ZCCHC7: variants seen among roughly 807,000 people sequenced by gnomAD.
ZCCHC7 encodes the protein zinc finger CCHC domain-containing protein 7.
A neutral mutation model predicts 52.0 loss-of-function variants in ZCCHC7; 35 were observed. The observed-to-expected ratio is 0.67, with a 90% CI of 0.51 to 0.89. The LOEUF (loss-of-function observed/expected upper bound fraction) is 0.89. ZCCHC7 is among the 40% of genes least tolerant of loss of function. ZCCHC7 has a pLI of 0.00. For synonymous variants in ZCCHC7, 217 were observed against 221.5 expected, an observed-to-expected ratio of 0.98 and a Z score of 0.18; for missense variants, 574 against 649.1, an observed-to-expected ratio of 0.88 and a Z score of 1.26.
At chr9:37,166,392 A>T (rs1337188000) in intron 2 of ZCCHC7, among the ~76,000 whole-genome samples, 1 of 152,028 alleles carries the variant, frequency 6.6e-6, no homozygotes, top group African/African-American at 2.4e-5. Context: ...GCAAGACTCC[A>T]TCTCAAAAAC....
chr9:37,225,112 C>T (rs1825027128), intron 2 of ZCCHC7, among the ~76,000 whole-genome samples: 1 of 151,954 alleles, frequency 6.6e-6, no homozygotes, highest in African/African-American at 2.4e-5. Flanking sequence ...AATTGAAGAC[C>T]AATCAGGAAT....
At chr9:37,288,938 T>G (rs1320983853) in intron 2 of ZCCHC7, among the ~76,000 whole-genome samples, 3 of 152,150 alleles carry the variant, frequency 2.0e-5, no homozygotes, top group Non-Finnish European at 4.4e-5. Flanking sequence ...TTCAGATCTG[T>G]CTCTGAAACT....
intron 2 of ZCCHC7, among the ~76,000 whole-genome samples, chr9:37,295,560 G>A (rs1387651443): frequency 6.6e-6 from 1 of 152,108 alleles, no homozygotes. Flanking sequence ...AGCTAAAATC[G>A]TGGCATTGAG....
At chr9:37,199,327 CTTTT>C (rs57881366) in intron 2 of ZCCHC7, among the ~76,000 whole-genome samples, 2 of 129,682 alleles carry the variant, frequency 1.5e-5, no homozygotes, top group Non-Finnish European at 3.2e-5. Context: ...TTTCTTTCTT[CTTTT>C]TTTTTTTTTT....
intron 2 of ZCCHC7, among the ~76,000 whole-genome samples, chr9:37,178,267 G>A (rs1822154202): frequency 6.6e-6 from 1 of 152,044 alleles, no homozygotes; most frequent in Non-Finnish European, 1.5e-5. Context: ...AATCAGGGTA[G>A]GTTCACTTCA....
At chr9:37,129,505 C>G (rs1440064565) in intron 2 of ZCCHC7, among the ~76,000 whole-genome samples, 1 of 152,130 alleles carries the variant, frequency 6.6e-6, no homozygotes, top group Non-Finnish European at 1.5e-5. Context: ...TGTGTTGTTA[C>G]TCTGTAATCA....
chr9:37,317,809 C>CTA (rs1829885517), intron 5 of ZCCHC7, among the ~76,000 whole-genome samples: 1 of 151,562 alleles, frequency 6.6e-6, no homozygotes, highest in African/African-American at 2.4e-5. Context: ...ATTAAACACT[C>CTA]TTATAGATTT....
intron 2 of ZCCHC7, among the ~76,000 whole-genome samples, chr9:37,193,385 CCTA>C (rs1204245974): frequency 6.6e-6 from 1 of 152,000 alleles, no homozygotes; most frequent in Admixed American, 6.6e-5. Context: ...CTAAAATTCT[CCTA>C]CAATAGGAAA....
intron 2 of ZCCHC7, among the ~76,000 whole-genome samples, chr9:37,254,142 C>G (rs10973268): frequency 0.54 from 82,434 of 151,682 alleles, 22,864 homozygotes; most frequent in African/African-American, 0.63. Context: ...ATGGTGAGAA[C>G]GTACAACCAG....
At chr9:37,286,167 T>C (rs1474540759) in intron 2 of ZCCHC7, among the ~76,000 whole-genome samples, 1 of 152,190 alleles carries the variant, frequency 6.6e-6, no homozygotes, top group Non-Finnish European at 1.5e-5. Flanking sequence ...ATAAAATAAT[T>C]TAGGGAGATT....
chr9:37,232,969 CAT>C (rs560561842), intron 2 of ZCCHC7, among the ~76,000 whole-genome samples: 182 of 152,262 alleles, frequency 1.2e-3, no homozygotes, highest in African/African-American at 4.2e-3. Flanking sequence ...TATTAATTCA[CAT>C]GAGACAGTAT....
At chr9:37,196,263 A>G (rs1426550107) in intron 2 of ZCCHC7, among the ~76,000 whole-genome samples, 2 of 152,220 alleles carry the variant, frequency 1.3e-5, no homozygotes, top group African/African-American at 4.8e-5. Context: ...TGGATGAACA[A>G]TGAAAGAGAG....
chr9:37,325,130 A>G (rs752370564), intron 5 of ZCCHC7, among the ~76,000 whole-genome samples: 2 of 152,204 alleles, frequency 1.3e-5, no homozygotes, highest in Non-Finnish European at 2.9e-5. Context: ...AATAACACTG[A>G]TTTATGTATG....
intron 2 of ZCCHC7, among the ~76,000 whole-genome samples, chr9:37,132,435 C>G (rs941750508): frequency 6.6e-6 from 1 of 152,044 alleles, no homozygotes; most frequent in Non-Finnish European, 1.5e-5. Flanking sequence ...TCAACAGTTA[C>G]CAATTTATGT....
At chr9:37,188,990 T>C (rs902083174) in intron 2 of ZCCHC7, among the ~76,000 whole-genome samples, 6 of 66,070 alleles carry the variant, frequency 9.1e-5, no homozygotes, top group Admixed American at 1.9e-4. Context: ...CTCCTTCCTT[T>C]CTTCATTTTT....
intron 2 of ZCCHC7, among the ~76,000 whole-genome samples, chr9:37,295,232 G>A (rs532476777): frequency 1.6e-4 from 24 of 152,218 alleles, no homozygotes; most frequent in South Asian, 8.3e-4. Flanking sequence ...TAAATGTATA[G>A]GCATAGCTGC....
intron 2 of ZCCHC7, among the ~76,000 whole-genome samples, chr9:37,279,865 A>G (rs1042306170): frequency 6.6e-6 from 1 of 151,224 alleles, no homozygotes; most frequent in Non-Finnish European, 1.5e-5. Flanking sequence ...GTAAACAAGG[A>G]TGTTTCCCAC....
At chr9:37,201,528 A>G (rs182718374) in intron 2 of ZCCHC7, among the ~76,000 whole-genome samples, 3 of 152,348 alleles carry the variant, frequency 2.0e-5, no homozygotes, top group African/African-American at 4.8e-5. Context: ...AAGGTTTTCT[A>G]TGCTATTTTA....
intron 2 of ZCCHC7, among the ~76,000 whole-genome samples, chr9:37,159,493 G>A (rs1820980129): frequency 6.6e-6 from 1 of 152,168 alleles, no homozygotes; most frequent in Non-Finnish European, 1.5e-5. Flanking sequence ...AACTCAAAGT[G>A]GTAGAAGCAG....
Sources: allele counts gnomAD v4.1 joint callset (sites outside exome capture counted in the v4.1 genomes callset), GRCh38; gene constraint gnomAD v4.1.1; transcripts MANE v1.5; gene names NCBI Gene and HGNC (gene_info 2026-07-23, HGNC 2026-07-21).